Variants in CREBBP observed in about 807,000 individuals in gnomAD.
The protein encoded by CREBBP is CREB-binding protein.
A neutral mutation model predicts 265.0 loss-of-function variants in CREBBP; 19 were observed. The ratio of observed to expected loss-of-function variants is 0.07; its 90% CI spans 0.05 to 0.11. The LOEUF is 0.11. Among genes scored for constraint, CREBBP ranks in the 10% least tolerant of loss-of-function variants. CREBBP has a pLI of 1.00. For missense variants in CREBBP, 2,525 were observed against 3,219.0 expected (o/e 0.78, Z 5.22); for synonymous variants, 1,457 against 1,223.7 (o/e 1.19, Z -3.98).
intron 21 of CREBBP, among the ~76,000 whole-genome samples, chr16:3,746,808 G>C (rs2052353225): frequency 6.6e-6 from 1 of 152,138 alleles, no homozygotes; most frequent in Non-Finnish European, 1.5e-5. Context: ...AGCTGGGCAT[G>C]GTGGTGTGTG....
chr16:3,732,082 T>C (rs2051932987), intron 28 of CREBBP, 145 bp from the exon 29 acceptor site: 21 of 1,454,656 alleles, frequency 1.4e-5, no homozygotes, highest in Non-Finnish European at 1.7e-5. Flanking sequence ...CGGCTACAGG[T>C]GGCTGTAGGT....
chr16:3,847,950 C>T (rs2054702558), intron 2 of CREBBP, among the ~76,000 whole-genome samples: 1 of 152,158 alleles, frequency 6.6e-6, no homozygotes, highest in Non-Finnish European at 1.5e-5. Flanking sequence ...AGGTGGCTCG[C>T]TTGAGGTCAG....
intron 3 of CREBBP, among the ~76,000 whole-genome samples, chr16:3,810,391 G>C (rs746134944): frequency 2.6e-5 from 4 of 152,096 alleles, no homozygotes; most frequent in Non-Finnish European, 5.9e-5. Flanking sequence ...TGGGAAGAGC[G>C]GCTGAATCAT....
intron 2 of CREBBP, chr16:3,812,953 C>T (rs2141354241): frequency 4.7e-6 from 1 of 211,282 alleles, no homozygotes; most frequent in South Asian, 1.9e-4. Context: ...GACTGCCACG[C>T]CAGCATGTCC....
At position 3,729,747 on chromosome 16, in the gene CREBBP, G is replaced by A. The variant is rs2051859628; in HGVS notation, c.5300C>T (p.Ser1767Leu). 4.4e-6 allele frequency: 7 copies of A among 1,608,366 alleles called. No individual in the cohort carries two copies. Among genetic ancestry groups the A allele is most frequent in the Non-Finnish European group, 5.9e-6 (7 of 1,179,094 alleles). The change falls in exon 31 of 31, where the codon TCA becomes TTA. Residue 1767 changes from serine (S) to leucine (L), a missense_variant. By Grantham distance (145) the Ser-to-Leu change is moderately radical (BLOSUM62 -2). Coordinates refer to ENST00000262367, the MANE Select transcript of CREBBP (RefSeq NM_004380.3). Reference sequence around the variant, plus strand: ...GCAGCGCTGGATGCTCAGCCGGCGTGACTCCTGGGGGCTCTTTGACTGTGG... The same window carrying A: ...GCAGCGCTGGATGCTCAGCCGGCGTAACTCCTGGGGGCTCTTTGACTGTGG... ...GEPQSKSPQE[S>L]RRLSIQRCIQ...
rs112646090 is a variant in CREBBP, at chr16:3,779,009, A to G, written c.1824-192T>C. Among the ~76,000 whole-genome samples, 265 of 152,102 alleles carry G rather than the reference A, an allele frequency of 1.7e-3. 2 individuals carry two copies. Among genetic ancestry groups the G allele is most frequent in the African/African-American group, 6.0e-3 (247 of 41,500 alleles). ...TGGTGAAATCCCGTCTCTACTAAAAATACAAAAATTAGCTGGGCATGGTGG... is the reference window on the plus strand; with the variant it reads ...TGGTGAAATCCCGTCTCTACTAAAAGTACAAAAATTAGCTGGGCATGGTGG... On this transcript the variant is annotated intron_variant, in intron 8 of 30. Coordinates refer to ENST00000262367, the MANE Select transcript of CREBBP (RefSeq NM_004380.3).
chr16:3,740,340 C>G (rs2151339455), intron 24 of CREBBP, 59 bp downstream of exon 24: 6 of 1,604,868 alleles, frequency 3.7e-6, no homozygotes, highest in Non-Finnish European at 5.1e-6. Flanking sequence ...AGAGAGCAGG[C>G]TCTGGCAAGC....
At chr16:3,848,994 C>T (rs1482625506) in intron 2 of CREBBP, among the ~76,000 whole-genome samples, 4 of 152,280 alleles carry the variant, frequency 2.6e-5, no homozygotes, top group Non-Finnish European at 5.9e-5. Context: ...ATCCGTCACC[C>T]AACGCTCTCA....
rs550561165 is a variant in CREBBP, at chr16:3,873,798, C to T, written c.85+6034G>A. ...GGTGGGAGCCCATGGGTACGGAACT[C>T]GGAAGCAAATAACAGACCCAATTAG... On this transcript the variant is annotated intron_variant, in intron 1 of 30. Transcript: ENST00000262367. Among the ~76,000 whole-genome samples, 13 of 152,154 alleles carry T rather than the reference C, an allele frequency of 8.5e-5. No individual in the cohort carries two copies. In the South Asian group the frequency reaches 2.1e-3, roughly 24 times the overall value.
chr16:3,870,641 G>A (rs1019126686), intron 1 of CREBBP, among the ~76,000 whole-genome samples: 1 of 152,160 alleles, frequency 6.6e-6, no homozygotes, highest in African/African-American at 2.4e-5. Flanking sequence ...CTGCACTAGA[G>A]CTGGCACTGA....
intron 30 of CREBBP, chr16:3,730,643 G>C (rs558661828): frequency 2.8e-4 from 47 of 169,858 alleles, no homozygotes; most frequent in Non-Finnish European, 4.9e-4. Context: ...GCTCTGCTGA[G>C]GACCCGCTCT....
intron 28 of CREBBP, among the ~76,000 whole-genome samples, chr16:3,734,066 G>A (rs905252715): frequency 6.6e-6 from 1 of 152,216 alleles, no homozygotes; most frequent in East Asian, 1.9e-4. Flanking sequence ...GTGTTCTGGA[G>A]CTTTCCCTGG....
At chr16:3,836,143 C>T (rs1287036341) in intron 2 of CREBBP, among the ~76,000 whole-genome samples, 1 of 151,832 alleles carries the variant, frequency 6.6e-6, no homozygotes, top group African/African-American at 2.4e-5. Flanking sequence ...TTCATGGTTA[C>T]AGAAATTAGC....
chr16:3,766,653 G>A (rs1042289121), intron 16 of CREBBP, among the ~76,000 whole-genome samples: 3 of 151,914 alleles, frequency 2.0e-5, no homozygotes, highest in Admixed American at 6.6e-5. Context: ...CGCTTCTCGA[G>A]CAGCTAGAAT....
chr16:3,745,207 G>C (rs2151355016), intron 22 of CREBBP, 70 bp downstream of exon 22: 2 of 1,341,528 alleles, frequency 1.5e-6, no homozygotes, highest in Non-Finnish European at 2.1e-6. Flanking sequence ...ATGAGATGCA[G>C]TAGCCACTGC....
chr16:3,814,215 CTGTGTGTGTGTGTGTG>C (rs6145729), intron 2 of CREBBP, among the ~76,000 whole-genome samples: 2,055 of 104,048 alleles, frequency 0.02, 39 homozygotes, highest in East Asian at 0.084. Flanking sequence ...GAGTCTCGTT[CTGTGTGTGTGTGTGTG>C]TGTGTGTGTG....
At chr16:3,768,136 G>GTTGTT (rs2052905203) in intron 15 of CREBBP, among the ~76,000 whole-genome samples, 1 of 51,590 alleles carries the variant, frequency 1.9e-5, no homozygotes, top group Admixed American at 3.7e-4. Flanking sequence ...ATTTAAAAGT[G>GTTGTT]TTTTTTTTTT....
chr16:3,857,610 G>A (rs1176105689), intron 1 of CREBBP, among the ~76,000 whole-genome samples: 1 of 152,172 alleles, frequency 6.6e-6, no homozygotes, highest in Admixed American at 6.5e-5. Context: ...GTTCACGATT[G>A]ACAGCGATCC....
rs1450883522 is a variant in CREBBP at position 3,879,890 on chromosome 16, C to T, written c.27G>A (p.Pro9=). The T allele has an allele frequency of 6.2e-7, 1 of 1,612,618 alleles. No individual in the cohort carries two copies. The change falls in exon 1 of 31, where the codon CCG becomes CCA. Residue 9 remains proline, a synonymous_variant. Coordinates refer to ENST00000262367, the MANE Select transcript of CREBBP (RefSeq NM_004380.3). ...TGAGTTTGGCTCTTTTGGGGTTGGG[C>T]GGTCCGTCCAGCAAGTTCTCAGCCA... MAENLLDG[P]PNPKRAKLSS... is the part of the protein sequence containing the mutation.
Sources: gnomAD v4.1 joint callset for allele counts (sites outside exome capture counted in the v4.1 genomes callset) on GRCh38, gnomAD v4.1.1 for gene constraint, MANE v1.5 for transcripts, NCBI Gene and HGNC (gene_info 2026-07-23, HGNC 2026-07-21) for gene names.